The following MOB3B variants were observed in gnomAD, a reference collection of about 807,000 sequenced individuals.
MOB3B encodes MOB kinase activator 3B, also known as MOB kinase activator-like 2B.
MOB3B carries 7 observed loss-of-function variants against 18.7 expected under a neutral mutation model. The observed-to-expected ratio is 0.37, with a 90% CI of 0.21 to 0.70. The LOEUF (loss-of-function observed/expected upper bound fraction) is 0.70. MOB3B is among the 30% of genes least tolerant of loss of function. MOB3B has a pLI of 0.52. For synonymous variants in MOB3B, 111 were observed against 99.9 expected (o/e 1.11, Z -0.66); for missense variants, 253 against 281.3 (o/e 0.90, Z 0.72).
intron 1 of MOB3B, among the ~76,000 whole-genome samples, chr9:27,499,752 G>GT (rs567001249): frequency 5.9e-4 from 89 of 150,844 alleles, no homozygotes; most frequent in Middle Eastern, 6.9e-3. Context: ...ATGGCTTTTG[G>GT]TTTTTTTTTC....
intron 2 of MOB3B, among the ~76,000 whole-genome samples, chr9:27,387,523 T>C (rs187819389): frequency 2.0e-5 from 3 of 152,334 alleles, no homozygotes; most frequent in East Asian, 1.9e-4. Context: ...TAAGCTAATA[T>C]GTTAAAAATA....
intron 1 of MOB3B, among the ~76,000 whole-genome samples, chr9:27,469,811 C>A (rs377582036): frequency 2.0e-5 from 3 of 152,022 alleles, no homozygotes; most frequent in East Asian, 3.9e-4. Flanking sequence ...TCGTGCCAGG[C>A]GTGGTAGCTG....
Position 27,359,123 on chromosome 9 carries a change from C to T in MOB3B, c.532G>A (p.Ala178Thr), listed in dbSNP as rs1312722921. The T allele has an allele frequency of 1.2e-6, 2 of 1,614,144 alleles. No individual in the cohort carries two copies. The highest frequency in any genetic ancestry group is 1.7e-6 in the Non-Finnish European group (2 of 1,180,036). Residue 178 changes from alanine to threonine, a missense_variant, in exon 3 of 4, where the codon GCA becomes ACA. Transcript: ENST00000262244. ...HHFDRVIVMG[A>T]EAHVNTCYKH... is the part of the protein sequence containing the mutation. ...TAGCAGGTGTTGACATGGGCCTCTG[C>T]ACCCATCACAATGACCCGGTCGAAG...
At chr9:27,470,202 T>C (rs908842897) in intron 1 of MOB3B, among the ~76,000 whole-genome samples, 1 of 152,016 alleles carries the variant, frequency 6.6e-6, no homozygotes, top group African/African-American at 2.4e-5. Flanking sequence ...TTATTCATAT[T>C]CCTGGTGATT....
chr9:27,434,788 T>C (rs1012367461), intron 2 of MOB3B, among the ~76,000 whole-genome samples: 1 of 152,056 alleles, frequency 6.6e-6, no homozygotes, highest in Non-Finnish European at 1.5e-5. Context: ...ACCCAACTCT[T>C]TCCACACTTG....
At chr9:27,514,388 A>G (rs1385840750) in intron 1 of MOB3B, among the ~76,000 whole-genome samples, 1 of 148,636 alleles carries the variant, frequency 6.7e-6, no homozygotes, top group East Asian at 2.0e-4. Context: ...TTGCTTCCTT[A>G]GATTCCTATA....
intron 1 of MOB3B, chr9:27,524,514 C>G: frequency 2.5e-6 from 4 of 1,614,064 alleles, no homozygotes; most frequent in Non-Finnish European, 3.4e-6. Context: ...TGTAGAATGT[C>G]TACGAGAAAA....
rs76635000 is a variant in MOB3B, at chr9:27,479,767, G to T, written c.-198-24019C>A. 3.8e-3 allele frequency among the ~76,000 whole-genome samples: 582 copies of T among 152,312 alleles called. 2 individuals carry two copies. Among genetic ancestry groups the T allele is most frequent in the African/African-American group, 0.013 (559 of 41,578 alleles). ...CCTTGCATTACGTGATAGGGGAATA[G>T]AAATTTTGAATAACTTAAAACTTTT... On this transcript the variant is annotated intron_variant, in intron 1 of 3. Coordinates refer to ENST00000262244, the MANE Select transcript of MOB3B (RefSeq NM_024761.5).
intron 2 of MOB3B, among the ~76,000 whole-genome samples, chr9:27,419,779 G>C (rs1395285428): frequency 6.6e-6 from 1 of 152,132 alleles, no homozygotes; most frequent in Non-Finnish European, 1.5e-5. Flanking sequence ...AAAAGCAAAT[G>C]CAATAAAAAC....
chr9:27,343,771 A>G (rs907019599), intron 3 of MOB3B, among the ~76,000 whole-genome samples: 2 of 148,690 alleles, frequency 1.3e-5, no homozygotes, highest in African/African-American at 2.5e-5. Flanking sequence ...TTTGCTCTCA[A>G]TATAAGAGGG....
intron 2 of MOB3B, among the ~76,000 whole-genome samples, chr9:27,368,594 A>C (rs2131364614): frequency 6.6e-6 from 1 of 152,298 alleles, no homozygotes; most frequent in East Asian, 1.9e-4. Flanking sequence ...GTCCCCAAAC[A>C]AGCTGACAGC....
chr9:27,431,641 T>A (rs1410715382), intron 2 of MOB3B, among the ~76,000 whole-genome samples: 1 of 152,186 alleles, frequency 6.6e-6, no homozygotes, highest in Non-Finnish European at 1.5e-5. Context: ...CTCCACTCTA[T>A]CTTCTTTCAG....
chr9:27,380,778 C>T (rs543209411), intron 2 of MOB3B, among the ~76,000 whole-genome samples: 3 of 151,942 alleles, frequency 2.0e-5, no homozygotes, highest in African/African-American at 7.2e-5. Flanking sequence ...ACCTGCCCAC[C>T]ACCCCCTCAT....
intron 2 of MOB3B, among the ~76,000 whole-genome samples, chr9:27,386,769 C>T (rs1821655096): frequency 6.6e-6 from 1 of 152,198 alleles, no homozygotes; most frequent in Non-Finnish European, 1.5e-5. Flanking sequence ...ACTTATCTTT[C>T]CAGGGGCCAA....
chr9:27,407,149 G>C (rs1401562865), intron 2 of MOB3B, among the ~76,000 whole-genome samples: 1 of 152,126 alleles, frequency 6.6e-6, no homozygotes, highest in Non-Finnish European at 1.5e-5. Context: ...AAGATTTCTT[G>C]AGTAAGATTT....
Position 27,326,933 on chromosome 9 carries a change from C to T in MOB3B, c.*3654G>A, listed in dbSNP as rs898032368. The T allele has an allele frequency of 1.6e-5, 3 of 187,626 alleles. No homozygotes were observed. Among genetic ancestry groups the T allele is most frequent in the African/African-American group, 7.0e-5 (3 of 42,904 alleles). The allele number at this position is 187,626 out of a possible 1,614,324, so 11.6% of individuals were successfully genotyped here. A position where few individuals can be genotyped will look rare whatever the true frequency, so the allele number is the denominator to read the frequency against. On this transcript the variant is annotated 3_prime_UTR_variant, in exon 4 of 4. Coordinates refer to ENST00000262244, the MANE Select transcript of MOB3B (RefSeq NM_024761.5). Reference sequence around the variant, plus strand: ...CTAAGAGTTTTCCCAAAAAAACCATCTGACAATTAGGGAGTGTGTGCTCTC... The same window carrying T: ...CTAAGAGTTTTCCCAAAAAAACCATTTGACAATTAGGGAGTGTGTGCTCTC...
intron 1 of MOB3B, among the ~76,000 whole-genome samples, chr9:27,528,718 G>C (rs934268829): frequency 1.5e-4 from 23 of 152,172 alleles, no homozygotes; most frequent in African/African-American, 5.5e-4. Flanking sequence ...CACGATCTCA[G>C]TCGGCTGCGT....
At chr9:27,500,082 A>G (rs1269316923) in intron 1 of MOB3B, among the ~76,000 whole-genome samples, 1 of 152,168 alleles carries the variant, frequency 6.6e-6, no homozygotes, top group East Asian at 1.9e-4. Flanking sequence ...CAGAACTATC[A>G]ATAACTTATA....
At chr9:27,374,479 A>C (rs1426342128) in intron 2 of MOB3B, among the ~76,000 whole-genome samples, 1 of 152,166 alleles carries the variant, frequency 6.6e-6, no homozygotes. Flanking sequence ...ACTAGTAGCC[A>C]ATTTTAAGGT....
Sources: gnomAD v4.1 joint callset for allele counts (sites outside exome capture counted in the v4.1 genomes callset) on GRCh38, gnomAD v4.1.1 for gene constraint, MANE v1.5 for transcripts, NCBI Gene and HGNC (gene_info 2026-07-23, HGNC 2026-07-21) for gene names.